Variants in DDAH1 observed in about 807,000 individuals in gnomAD.
The protein encoded by DDAH1 is N(G),N(G)-dimethylarginine dimethylaminohydrolase 1.
DDAH1 carries 19 observed loss-of-function variants against 28.8 expected under a neutral mutation model. The observed-to-expected ratio is 0.66, with a 90% CI of 0.46 to 0.97. The LOEUF (loss-of-function observed/expected upper bound fraction) is 0.97, where lower values mean the gene tolerates loss of function less well. Ranked by LOEUF, DDAH1 falls within the 50% of genes least tolerant of loss-of-function variation. DDAH1 has a pLI of 0.00. For missense variants in DDAH1, 326 were observed against 375.9 expected (o/e 0.87, Z 1.10); for synonymous variants, 153 against 154.4 (o/e 0.99, Z 0.07).
chr1:85,428,980 G>A (rs576412437), intron 1 of DDAH1, among the ~76,000 whole-genome samples: 27 of 151,974 alleles, frequency 1.8e-4, no homozygotes, highest in African/African-American at 6.0e-4. Flanking sequence ...AGGAAACTGG[G>A]GATGGCTGTG....
At chr1:85,440,578 G>T (rs1001489919) in intron 1 of DDAH1, among the ~76,000 whole-genome samples, 3 of 152,202 alleles carry the variant, frequency 2.0e-5, no homozygotes, top group Admixed American at 2.0e-4. Flanking sequence ...CTTTGAAGGG[G>T]CTGGAGAATG....
At chr1:85,561,797 C>T (rs1659148175) in intron 1 of DDAH1, among the ~76,000 whole-genome samples, 1 of 152,162 alleles carries the variant, frequency 6.6e-6, no homozygotes, top group African/African-American at 2.4e-5. Context: ...ACTCTTGTCA[C>T]CCAAAGGAAG....
At chr1:85,558,717 C>CTAAAA (rs1165286738) in intron 1 of DDAH1, among the ~76,000 whole-genome samples, 3 of 151,952 alleles carry the variant, frequency 2.0e-5, no homozygotes, top group Non-Finnish European at 2.9e-5. Flanking sequence ...ATAAGTTATA[C>CTAAAA]TAAAATAAAA....
intron 4 of DDAH1, among the ~76,000 whole-genome samples, chr1:85,330,277 G>A (rs902345298): frequency 6.6e-6 from 1 of 152,174 alleles, no homozygotes; most frequent in Admixed American, 6.5e-5. Flanking sequence ...AGGCTCCTGA[G>A]GACTGAGCAA....
At chr1:85,433,600 A>G (rs1299256699) in intron 1 of DDAH1, among the ~76,000 whole-genome samples, 1 of 152,190 alleles carries the variant, frequency 6.6e-6, no homozygotes, top group Non-Finnish European at 1.5e-5. Flanking sequence ...CTTGTACTAA[A>G]TTCTTAAGCT....
intron 1 of DDAH1, among the ~76,000 whole-genome samples, chr1:85,418,555 A>G (rs1467319306): frequency 6.6e-6 from 1 of 152,224 alleles, no homozygotes; most frequent in Non-Finnish European, 1.5e-5. Flanking sequence ...AGAAGGCATC[A>G]CATTTCATTG....
intron 2 of DDAH1, among the ~76,000 whole-genome samples, chr1:85,483,782 G>A (rs747604327): frequency 6.6e-6 from 1 of 152,170 alleles, no homozygotes; most frequent in South Asian, 2.1e-4. Flanking sequence ...CAGTGCTACA[G>A]CCTGTGAAAG....
intron 1 of DDAH1, among the ~76,000 whole-genome samples, chr1:85,380,841 A>G (rs1310134876): frequency 2.6e-5 from 4 of 152,162 alleles, no homozygotes; most frequent in African/African-American, 9.7e-5. Context: ...GTGTGTTATG[A>G]AATATGGTTG....
At chr1:85,392,564 G>A (rs1287292972) in intron 1 of DDAH1, among the ~76,000 whole-genome samples, 1 of 152,094 alleles carries the variant, frequency 6.6e-6, no homozygotes, top group African/African-American at 2.4e-5. Flanking sequence ...GGAGGCTGAG[G>A]CGGGCGGATC....
intron 1 of DDAH1, among the ~76,000 whole-genome samples, chr1:85,570,013 C>T (rs1315530418): frequency 6.6e-6 from 1 of 152,180 alleles, no homozygotes; most frequent in Non-Finnish European, 1.5e-5. Flanking sequence ...AGATTTAAAC[C>T]AAGCTGACGC....
intron 1 of DDAH1, chr1:85,379,747 C>T (rs564294190): frequency 5.1e-6 from 5 of 973,934 alleles, no homozygotes; most frequent in Non-Finnish European, 6.1e-6. Flanking sequence ...CCTTACTTTC[C>T]AACTCAGTTA....
intron 1 of DDAH1, among the ~76,000 whole-genome samples, chr1:85,523,322 T>C (rs1657755548): frequency 6.6e-6 from 1 of 152,060 alleles, no homozygotes; most frequent in African/African-American, 2.4e-5. Context: ...CTGTTTTCTG[T>C]GCTCACAACC....
At chr1:85,443,153 G>GT (rs1654277240) in intron 1 of DDAH1, among the ~76,000 whole-genome samples, 1 of 152,144 alleles carries the variant, frequency 6.6e-6, no homozygotes, top group Admixed American at 6.5e-5. Flanking sequence ...GATTTTTATG[G>GT]TTTTAGGTCT....
At chr1:85,550,127 A>C (rs929374352) in intron 1 of DDAH1, among the ~76,000 whole-genome samples, 1 of 152,218 alleles carries the variant, frequency 6.6e-6, no homozygotes, top group African/African-American at 2.4e-5. Context: ...ACATATTTAC[A>C]TATTCTATAT....
intron 2 of DDAH1, among the ~76,000 whole-genome samples, chr1:85,493,164 T>A (rs61785163): frequency 6.6e-6 from 1 of 152,088 alleles, no homozygotes; most frequent in African/African-American, 2.4e-5. Flanking sequence ...TAAAAAAATT[T>A]GTTTTCTTCT....
At chr1:85,494,969 C>T (rs1448773747) in intron 2 of DDAH1, 2 of 152,238 alleles carry the variant, frequency 1.3e-5, no homozygotes, top group Non-Finnish European at 2.9e-5. Flanking sequence ...ACCTTCTAGT[C>T]AGACTAGCCC....
At chr1:85,444,354 A>G (rs1241714109) in intron 1 of DDAH1, among the ~76,000 whole-genome samples, 1 of 152,198 alleles carries the variant, frequency 6.6e-6, no homozygotes, top group East Asian at 1.9e-4. Flanking sequence ...CTTACATCCC[A>G]GTGATGAAGC....
chr1:85,486,623 A>G (rs1656211854), intron 2 of DDAH1, among the ~76,000 whole-genome samples: 1 of 152,250 alleles, frequency 6.6e-6, no homozygotes, highest in African/African-American at 2.4e-5. Flanking sequence ...CAAAATGAAT[A>G]TGCTATGGCC....
At chr1:85,513,151 A>C (rs1657308544) in intron 1 of DDAH1, among the ~76,000 whole-genome samples, 1 of 152,192 alleles carries the variant, frequency 6.6e-6, no homozygotes, top group African/African-American at 2.4e-5. Context: ...ACCAAAACAG[A>C]TATATAGACC....
Sources: allele counts gnomAD v4.1 joint callset (sites outside exome capture counted in the v4.1 genomes callset), GRCh38; gene constraint gnomAD v4.1.1; transcripts MANE v1.5; gene names NCBI Gene and HGNC (gene_info 2026-07-23, HGNC 2026-07-21).